The following SLC2A9 variants were observed in gnomAD, a reference collection of about 807,000 sequenced individuals.
SLC2A9 encodes the protein solute carrier family 2 member 9.
A neutral mutation model predicts 50.6 loss-of-function variants in SLC2A9; 39 were observed. The ratio of observed to expected loss-of-function variants is 0.77; its 90% CI spans 0.60 to 1.01. The LOEUF (loss-of-function observed/expected upper bound fraction) is 1.01. Among genes scored for constraint, SLC2A9 ranks in the 50% least tolerant of loss-of-function variants. SLC2A9 has a pLI of 0.00. For missense variants in SLC2A9, 686 were observed against 677.6 expected (o/e 1.01, Z -0.14); for synonymous variants, 324 against 276.9 (o/e 1.17, Z -1.69).
chr4:9,941,866 G>A (rs762664320), intron 6 of SLC2A9, 47 bp downstream of exon 6: 1 of 1,612,300 alleles, frequency 6.2e-7, no homozygotes, highest in South Asian at 1.1e-5. Flanking sequence ...TTGCAGTGAT[G>A]ATCTATGCAG....
Position 9,791,241 on chromosome 4 carries a change from A to G in SLC2A9, n.386-11176T>C, listed in dbSNP as rs1719878546. ...CCTAATAAGCATTTGTTGAATAAAT[A>G]AATTAGTGGAATACAAAATTAAAAT... is the stretch of plus-strand genomic sequence containing the variant. On this transcript the variant is annotated intron_variant and non_coding_transcript_variant, in intron 3 of 3. Coordinates refer to the SLC2A9 transcript ENST00000503803. Among the ~76,000 whole-genome samples, 3 of 152,260 alleles carry G rather than the reference A, an allele frequency of 2.0e-5. 1 individual carries two copies. Among genetic ancestry groups the G allele is most frequent in the South Asian group, 2.1e-4 (1 of 4,834 alleles).
At chr4:9,816,678 G>A (rs373644362) in intron 3 of SLC2A9, among the ~76,000 whole-genome samples, 28 of 152,094 alleles carry the variant, frequency 1.8e-4, no homozygotes, top group South Asian at 6.3e-4. Context: ...TCAGATATAC[G>A]AGTTCTACAT....
In SLC2A9 at chr4:9,980,637, G is replaced by A. The variant is rs750524950; in HGVS notation, c.636C>T (p.Gly212=). ...GGCCCAGAAGCTGCCCAGTGAACAC[G>A]CCAATGCAGATAAAGATGGCAGTCA... is the stretch of plus-strand genomic sequence containing the variant. ...GQVTAIFICI[G]VFTGQLLGLP... The change falls in exon 5 of 12, where the codon GGC becomes GGT. Residue 212 remains glycine (G), a synonymous_variant. Coordinates refer to ENST00000264784, the MANE Select transcript of SLC2A9 (RefSeq NM_020041.3). 1.1e-5 allele frequency: 17 copies of A among 1,614,022 alleles called. No individual in the cohort carries two copies. The highest frequency in any genetic ancestry group is 1.6e-4 in the Middle Eastern group (1 of 6,082).
chr4:9,947,895 T>C (rs558295788), intron 5 of SLC2A9, among the ~76,000 whole-genome samples: 1 of 152,300 alleles, frequency 6.6e-6, no homozygotes, highest in South Asian at 2.1e-4. Context: ...GCCTCCTGAC[T>C]GACCCAGTGC....
chr4:9,871,637 T>C (rs760970158), intron 10 of SLC2A9, among the ~76,000 whole-genome samples: 7 of 152,204 alleles, frequency 4.6e-5, no homozygotes, highest in Non-Finnish European at 8.8e-5. Context: ...CATCTTGCGA[T>C]CCTTAACTGA....
intron 4 of SLC2A9, among the ~76,000 whole-genome samples, chr4:9,981,264 G>T (rs1755763656): frequency 8.2e-6 from 1 of 122,582 alleles, no homozygotes; most frequent in Non-Finnish European, 1.8e-5. Flanking sequence ...GATGATGATG[G>T]TGATAGTGGT....
At chr4:9,804,753 A>C (rs554560166) in intron 3 of SLC2A9, among the ~76,000 whole-genome samples, 1 of 152,330 alleles carries the variant, frequency 6.6e-6, no homozygotes, top group African/African-American at 2.4e-5. Flanking sequence ...ACAGGAGAGA[A>C]TTGCTTGGGC....
At chr4:10,038,310 C>A (rs1764171544) in intron 1 of SLC2A9, among the ~76,000 whole-genome samples, 1 of 151,852 alleles carries the variant, frequency 6.6e-6, no homozygotes, top group Non-Finnish European at 1.5e-5. Context: ...GAGTTCAAGA[C>A]CAGCCTGGCC....
chr4:9,838,619 AG>A (rs1254024059), intron 10 of SLC2A9, among the ~76,000 whole-genome samples: 3 of 152,232 alleles, frequency 2.0e-5, no homozygotes, highest in Non-Finnish European at 4.4e-5. Context: ...ACAGAATTAT[AG>A]TAACCAAAAC....
chr4:10,001,884 C>T (rs1759889702), intron 2 of SLC2A9, among the ~76,000 whole-genome samples: 1 of 152,246 alleles, frequency 6.6e-6, no homozygotes, highest in Non-Finnish European at 1.5e-5. Flanking sequence ...AAACAAAGGA[C>T]ACATAACTAC....
chr4:10,004,143 A>G (rs1416256251), intron 2 of SLC2A9, among the ~76,000 whole-genome samples: 2 of 152,266 alleles, frequency 1.3e-5, no homozygotes, highest in African/African-American at 4.8e-5. Flanking sequence ...AAGAGGAGAC[A>G]TGGAATGAAG....
chr4:10,032,505 T>A (rs1198066538), intron 1 of SLC2A9, among the ~76,000 whole-genome samples: 1 of 152,018 alleles, frequency 6.6e-6, no homozygotes, highest in African/African-American at 2.4e-5. Flanking sequence ...GGGAGCTCTT[T>A]ACAAAGAGCT....
intron 5 of SLC2A9, among the ~76,000 whole-genome samples, chr4:9,964,755 A>G (rs1291658056): frequency 6.6e-6 from 1 of 152,220 alleles, no homozygotes; most frequent in Non-Finnish European, 1.5e-5. Context: ...CTGGATGAGA[A>G]AAATATGAGG....
chr4:9,815,590 G>A (rs971631029), intron 3 of SLC2A9, among the ~76,000 whole-genome samples: 5 of 152,206 alleles, frequency 3.3e-5, no homozygotes, highest in African/African-American at 7.2e-5. Flanking sequence ...GAGGGTGGCC[G>A]GTGAGCCTGT....
At chr4:10,026,416 G>A (rs1294974417), upstream of SLC2A9, among the ~76,000 whole-genome samples, 1 of 152,136 alleles carries the variant, frequency 6.6e-6, no homozygotes, top group Non-Finnish European at 1.5e-5. Context: ...GTCTTTGCTA[G>A]TGGAAATGTG....
chr4:10,024,427 T>C (rs1358915843), upstream of SLC2A9, among the ~76,000 whole-genome samples: 3 of 152,012 alleles, frequency 2.0e-5, no homozygotes, highest in African/African-American at 4.8e-5. Flanking sequence ...GGTGTCCTTA[T>C]AGGAAGAGGA....
At chr4:9,898,076 G>T (rs1167326505) in intron 8 of SLC2A9, among the ~76,000 whole-genome samples, 1 of 152,156 alleles carries the variant, frequency 6.6e-6, no homozygotes, top group Admixed American at 6.5e-5. Flanking sequence ...AGTGAGCACT[G>T]CTGATGCTTT....
At position 10,018,961 on chromosome 4, in the gene SLC2A9, T is replaced by C. The variant is rs1763129264; in HGVS notation, c.249+14A>G. The C allele has an allele frequency of 1.9e-6, 3 of 1,548,916 alleles. No individual in the cohort carries two copies. Among genetic ancestry groups the C allele is most frequent in the Non-Finnish European group, 2.6e-6 (3 of 1,146,540 alleles). ...GGCCGCAGCGCCCTCTGCCGGGCCT[T>C]GGCGCGCACTCACCGGGGTGGGGGC... is the stretch of plus-strand genomic sequence containing the variant. On this transcript the variant is annotated intron_variant, in intron 2 of 11. Transcript: ENST00000264784.
chr4:9,926,477 G>A (rs1744928438), intron 6 of SLC2A9, among the ~76,000 whole-genome samples: 1 of 151,162 alleles, frequency 6.6e-6, no homozygotes. Context: ...AGCATTGGTG[G>A]TGTAACCAGT....
Sources: gnomAD v4.1 joint callset for allele counts (sites outside exome capture counted in the v4.1 genomes callset) on GRCh38, gnomAD v4.1.1 for gene constraint, MANE v1.5 for transcripts, NCBI Gene and HGNC (gene_info 2026-07-23, HGNC 2026-07-21) for gene names.